Variants in NINL observed in about 807,000 individuals in gnomAD.
NINL encodes ninein-like protein.
NINL carries 153 observed loss-of-function variants against 160.3 expected under a neutral mutation model. The ratio of observed to expected loss-of-function variants is 0.95; its 90% CI spans 0.84 to 1.09. NINL has a LOEUF of 1.09. Ranked by LOEUF, NINL falls within the 50% of genes least tolerant of loss-of-function variation. The probability of loss-of-function intolerance (pLI) is 0.00; values close to 1 mark genes in which losing one functional copy is unlikely to be tolerated. For synonymous variants in NINL, 800 were observed against 734.8 expected, an observed-to-expected ratio of 1.09 and a Z score of -1.43; for missense variants, 1,829 against 1,764.0, an observed-to-expected ratio of 1.04 and a Z score of -0.66.
At position 25,476,478 on chromosome 20, in the gene NINL, G is replaced by A; in HGVS notation, c.2813C>T (p.Ala938Val). 6.2e-7 allele frequency: 1 copy of A among 1,605,642 alleles called. No homozygotes were observed. Among genetic ancestry groups the A allele is most frequent in the Non-Finnish European group, 8.5e-7 (1 of 1,179,850 alleles). ...ASAAGLEQPG[A>V]RELPLLGTER... ...TGTTCCCAGCAGAGGCAGCTCCCGGGCTCCAGGCTGCTCCAGCCCCGCTGC... is the reference window on the plus strand; with the variant it reads ...TGTTCCCAGCAGAGGCAGCTCCCGGACTCCAGGCTGCTCCAGCCCCGCTGC... The change falls in exon 17 of 24, where the codon GCC (alanine) becomes GTC (valine). Residue 938 changes from alanine (A) to valine (V), a missense_variant. Ala to Val is a moderately conservative substitution (Grantham distance 64). Transcript: ENST00000278886.
chr20:25,534,890 G>T (rs995344568), intron 1 of NINL, among the ~76,000 whole-genome samples: 7 of 152,184 alleles, frequency 4.6e-5, no homozygotes, highest in African/African-American at 9.7e-5. Flanking sequence ...TAAATGCTGT[G>T]TAAGTAGTTG....
At chr20:25,470,469 C>T (rs1171273346) in intron 17 of NINL, among the ~76,000 whole-genome samples, 1 of 152,216 alleles carries the variant, frequency 6.6e-6, no homozygotes. Context: ...CTGCAGGGTA[C>T]TCATGCCCTG....
intron 1 of NINL, among the ~76,000 whole-genome samples, chr20:25,569,509 T>G (rs1246038966): frequency 6.6e-6 from 1 of 152,234 alleles, no homozygotes; most frequent in Non-Finnish European, 1.5e-5. Flanking sequence ...AGCCACTGCA[T>G]GCCTGCAGCT....
intron 14 of NINL, among the ~76,000 whole-genome samples, chr20:25,481,333 C>A (rs1427262927): frequency 6.6e-6 from 1 of 152,134 alleles, no homozygotes; most frequent in Non-Finnish European, 1.5e-5. Flanking sequence ...GAGGCCACCC[C>A]ATCCTCCAAA....
chr20:25,558,475 A>T (rs548827801), intron 1 of NINL, among the ~76,000 whole-genome samples: 24 of 152,212 alleles, frequency 1.6e-4, no homozygotes, highest in Non-Finnish European at 3.4e-4. Context: ...CCCAAAGTGC[A>T]GGCATGAGCC....
chr20:25,537,871 G>A (rs947803530), intron 1 of NINL, among the ~76,000 whole-genome samples: 2 of 152,174 alleles, frequency 1.3e-5, no homozygotes, highest in East Asian at 1.9e-4. Flanking sequence ...CGAAATGCAC[G>A]TCACGTTAAC....
At chr20:25,457,096 C>A (rs566802595) in intron 22 of NINL, among the ~76,000 whole-genome samples, 1 of 151,972 alleles carries the variant, frequency 6.6e-6, no homozygotes, top group Non-Finnish European at 1.5e-5. Context: ...GAGACCGAGG[C>A]GGGTGGATCA....
At position 25,505,038 on chromosome 20, in the gene NINL, G is replaced by A; in HGVS notation, c.558C>T (p.Pro186=). The A allele has an allele frequency of 6.2e-7, 1 of 1,609,442 alleles. No individual in the cohort carries two copies. The highest frequency in any genetic ancestry group is 8.5e-7 in the Non-Finnish European group (1 of 1,177,402). The change falls in exon 6 of 24, where the codon CCC becomes CCT. Residue 186 remains proline (P), a synonymous_variant. Transcript: ENST00000278886. ...CAAAGGAGGGGCTGCAGGACTTCTG[G>A]GGGCTCCCAAAGTCCTCAGAATCCC... ...QTWDSEDFGS[P]QKSCSPSFDT...
intron 1 of NINL, among the ~76,000 whole-genome samples, chr20:25,526,925 G>A (rs1367027401): frequency 3.9e-5 from 6 of 152,284 alleles, no homozygotes; most frequent in Non-Finnish European, 7.4e-5. Flanking sequence ...CAACACTTTG[G>A]GAGAAAAAGG....
chr20:25,526,667 C>T (rs940595482), intron 1 of NINL, 69 bp from the exon 2 acceptor site: 6 of 1,468,946 alleles, frequency 4.1e-6, no homozygotes, highest in Non-Finnish European at 5.6e-6. Context: ...TCCCACACTG[C>T]CGGTGAGCAC....
chr20:25,559,450 A>T (rs376993975), intron 1 of NINL, among the ~76,000 whole-genome samples: 164 of 152,288 alleles, frequency 1.1e-3, no homozygotes, highest in African/African-American at 3.6e-3. Flanking sequence ...CATGTTGGCC[A>T]GGATGGTCTG....
chr20:25,567,643 T>C (rs376162612), intron 1 of NINL, among the ~76,000 whole-genome samples: 14 of 152,260 alleles, frequency 9.2e-5, no homozygotes, highest in African/African-American at 3.1e-4. Context: ...ACTTCTCATA[T>C]ACCATGAAGC....
At chr20:25,492,065 C>A (rs2063653410) in intron 10 of NINL, among the ~76,000 whole-genome samples, 1 of 152,190 alleles carries the variant, frequency 6.6e-6, no homozygotes, top group Non-Finnish European at 1.5e-5. Context: ...TCATCTCTTT[C>A]TGAAACAGCA....
chr20:25,565,067 A>G (rs961745180), intron 1 of NINL, among the ~76,000 whole-genome samples: 3 of 152,232 alleles, frequency 2.0e-5, no homozygotes, highest in African/African-American at 7.2e-5. Context: ...ACATACTTTC[A>G]TAAGTTTTGT....
chr20:25,462,711 G>A, intron 19 of NINL, 170 bp from the exon 20 acceptor site: 1 of 590,308 alleles, frequency 1.7e-6, no homozygotes, highest in Non-Finnish European at 2.9e-6. Flanking sequence ...CTGGAGTGCG[G>A]TGGCACATTC....
At chr20:25,531,647 C>T (rs1217511234) in intron 1 of NINL, among the ~76,000 whole-genome samples, 1 of 152,188 alleles carries the variant, frequency 6.6e-6, no homozygotes. Flanking sequence ...CCTCCTGCAT[C>T]GAACATCCCT....
chr20:25,469,968 C>G (rs747286017), intron 18 of NINL, 23 bp downstream of exon 18: 10 of 1,575,750 alleles, frequency 6.3e-6, no homozygotes, highest in African/African-American at 2.7e-5. Flanking sequence ...CCCAGAAGGT[C>G]TGGGTAGGGG....
intron 13 of NINL, among the ~76,000 whole-genome samples, chr20:25,486,792 C>CT (rs1308440453): frequency 6.6e-6 from 1 of 152,134 alleles, no homozygotes; most frequent in African/African-American, 2.4e-5. Context: ...GTCAGGGTCA[C>CT]TTTACATGGG....
At position 25,569,192 on chromosome 20, in the gene NINL, C is replaced by T. The variant is rs2065027436; in HGVS notation, c.-12+16263G>A. 2.0e-5 allele frequency among the ~76,000 whole-genome samples: 3 copies of T among 147,280 alleles called. No homozygotes were observed. The Admixed American group carries it at 2.1e-4, about 10-fold the overall frequency. On this transcript the variant is annotated intron_variant, in intron 1 of 23. Transcript: ENST00000278886. ...GCAGTGAGCCAGGATAGCGCCACTA[C>T]ACTCCAGCCTGGGTGACAGAGCGAG...
Sources: allele counts gnomAD v4.1 joint callset (sites outside exome capture counted in the v4.1 genomes callset), GRCh38; gene constraint gnomAD v4.1.1; transcripts MANE v1.5; gene names NCBI Gene and HGNC (gene_info 2026-07-23, HGNC 2026-07-21).